Variants in CMC2 observed in about 807,000 individuals in gnomAD.
CMC2 encodes C-X9-C motif containing 2.
In CMC2, 5 loss-of-function variants were observed where a neutral mutation model predicts 7.5. The observed-to-expected ratio is 0.66, with a 90% CI of 0.35 to 1.40. The LOEUF is 1.40. CMC2 is among the 40% of genes most tolerant of loss of function. The pLI, the probability that CMC2 is intolerant of heterozygous loss-of-function variation, is 0.04. For missense variants in CMC2, 115 were observed against 92.3 expected, an observed-to-expected ratio of 1.25 and a Z score of -1.01; for synonymous variants, 37 against 31.4, an observed-to-expected ratio of 1.18 and a Z score of -0.60.
chr16:80,988,152 C>G (rs112093919), intron 2 of CMC2, among the ~76,000 whole-genome samples: 9,318 of 152,178 alleles, frequency 0.061, 394 homozygotes, highest in Non-Finnish European at 0.091. Flanking sequence ...CCACCGCACT[C>G]GAGCCTGGGT....
chr16:80,984,441 G>C (rs190731546), intron 2 of CMC2, among the ~76,000 whole-genome samples: 92 of 152,056 alleles, frequency 6.1e-4, no homozygotes, highest in African/African-American at 2.2e-3. Flanking sequence ...CATTTTAAAC[G>C]TACGTTTCAA....
chr16:81,001,541 G>A (rs376003628), intron 1 of CMC2, among the ~76,000 whole-genome samples: 6 of 152,058 alleles, frequency 3.9e-5, no homozygotes, highest in African/African-American at 9.7e-5. Flanking sequence ...GGAGATGGAC[G>A]GTGGTGATGG....
chr16:80,974,884 C>T lies in CMC2; in HGVS notation c.*1209G>A, dbSNP rs1034798485. On this transcript the variant is annotated 3_prime_UTR_variant, in exon 4 of 4. Transcript: ENST00000219400. ...CTGAATGTCTGTTATGCTCTGTAATCGACGTACTGAGCGAAAGTCCAGCTT... is the reference window on the plus strand; with the variant it reads ...CTGAATGTCTGTTATGCTCTGTAATTGACGTACTGAGCGAAAGTCCAGCTT... The T allele has an allele frequency of 6.6e-6, 1 of 152,234 alleles. No homozygotes were observed. The highest frequency in any genetic ancestry group is 1.5e-5 in the Non-Finnish European group (1 of 68,056). The allele number at this position is 152,234 out of a possible 1,614,324, so 9.4% of individuals were successfully genotyped here.
chr16:80,969,244 G>A lies in CMC2; in HGVS notation c.*6849C>T, dbSNP rs1387804337. 1.3e-5 allele frequency: 2 copies of A among 152,270 alleles called. No individual in the cohort carries two copies. Among genetic ancestry groups the A allele is most frequent in the African/African-American group, 4.8e-5 (2 of 41,442 alleles). The allele number at this position is 152,270 out of a possible 1,614,324, so 9.4% of individuals were successfully genotyped here. A position where few individuals can be genotyped will look rare whatever the true frequency, so the allele number is the denominator to read the frequency against. ...ATCCCAAAATACAAATGAGTGAGGT[G>A]AGGACAGAGCATCAAGAGCCAGAGG... On this transcript the variant is annotated 3_prime_UTR_variant, in exon 4 of 4. Transcript: ENST00000219400.
chr16:80,981,845 A>G lies in CMC2; in HGVS notation c.114T>C (p.Asn38=). The stretch of plus-strand genomic sequence containing the variant: ...ATTTTCTCAACTCCCGATCAACATC[A>G]TTACAATAACCAAAAAATTTCAGAA... ...HNILKFFGYC[N]DVDRELRKCL... is the part of the protein sequence containing the mutation. The change falls in exon 3 of 4, where the codon AAT becomes AAC. Residue 38 remains asparagine (N), a synonymous_variant. Transcript: ENST00000219400. 1 of 1,611,288 alleles carries G rather than the reference A, an allele frequency of 6.2e-7. No individual in the cohort carries two copies. The highest frequency in any genetic ancestry group is 8.5e-7 in the Non-Finnish European group (1 of 1,178,356).
In CMC2 at chr16:80,967,685, A is replaced by G. The variant is rs972828444; in HGVS notation, c.*8408T>C. 6.6e-6 allele frequency: 1 copy of G among 152,224 alleles called. No homozygotes were observed. The highest frequency in any genetic ancestry group is 1.5e-5 in the Non-Finnish European group (1 of 68,024). 9.4% of individuals were successfully genotyped at this position (152,224 alleles called of 1,614,324 possible). A position where few individuals can be genotyped will look rare whatever the true frequency, so the allele number is the denominator to read the frequency against. ...TGTAGCAAGTCCAATCATTAGCTCA[A>G]TAATCCAATCATAGCATTTTAGGAA... On this transcript the variant is annotated 3_prime_UTR_variant, in exon 4 of 4. Transcript: ENST00000219400.
At chr16:81,001,636 C>T (rs1187584552) in intron 1 of CMC2, among the ~76,000 whole-genome samples, 1 of 152,106 alleles carries the variant, frequency 6.6e-6, no homozygotes, top group Non-Finnish European at 1.5e-5. Context: ...ACGTGCATTT[C>T]ACCATGCGAA....
In CMC2 at chr16:80,997,443, A is replaced by T. The variant is rs746474224; in HGVS notation, c.-35-14T>A. On this transcript the variant is annotated splice_polypyrimidine_tract_variant and intron_variant, in intron 1 of 3. Coordinates refer to ENST00000219400, the MANE Select transcript of CMC2 (RefSeq NM_020188.5). ...CAGCAGTGCAACCTGTGGATACAAG[A>T]GTGTCTTGAATATGCATAAACACAT... The T allele has an allele frequency of 7.3e-7, 1 of 1,370,844 alleles. No homozygotes were observed. The highest frequency in any genetic ancestry group is 1.2e-5 in the South Asian group (1 of 85,882). The allele number at this position is 1,370,844 out of a possible 1,614,324, so 84.9% of individuals were successfully genotyped here. A position where few individuals can be genotyped will look rare whatever the true frequency, so the allele number is the denominator to read the frequency against.
intron 2 of CMC2, chr16:80,991,692 C>A: frequency 4.5e-6 from 1 of 222,710 alleles, no homozygotes; most frequent in Non-Finnish European, 9.1e-6. Flanking sequence ...AGGTGATCAA[C>A]GTCAACATTA....
intron 3 of CMC2, among the ~76,000 whole-genome samples, chr16:80,979,281 A>G (rs1340928068): frequency 6.6e-6 from 1 of 152,180 alleles, no homozygotes; most frequent in Non-Finnish European, 1.5e-5. Context: ...TAGAGAATAA[A>G]GTAACATAAC....
Position 80,967,360 on chromosome 16 carries a change from A to G in CMC2, c.*8733T>C. The G allele has an allele frequency of 6.5e-6, 1 of 153,902 alleles. No homozygotes were observed. The highest frequency in any genetic ancestry group is 1.4e-5 in the Non-Finnish European group (1 of 69,398). 9.5% of individuals were successfully genotyped at this position (153,902 alleles called of 1,614,324 possible). A position where few individuals can be genotyped will look rare whatever the true frequency, so the allele number is the denominator to read the frequency against. On this transcript the variant is annotated 3_prime_UTR_variant, in exon 4 of 4. Coordinates refer to ENST00000219400, the MANE Select transcript of CMC2 (RefSeq NM_020188.5). ...TTGTTTTGTTTTGTTTTGTTTTTTG[A>G]GACGGAGCTCGCCGTGTCGCCCAGG...
chr16:80,970,825 T>A lies in CMC2; in HGVS notation c.*5268A>T, dbSNP rs12924248. The A allele has an allele frequency of 7.9e-5, 12 of 152,094 alleles. No homozygotes were observed. Among genetic ancestry groups the A allele is most frequent in the African/African-American group, 2.9e-4 (12 of 41,394 alleles). 9.4% of individuals were successfully genotyped at this position (152,094 alleles called of 1,614,324 possible). ...TGCAGGGGCTCATGCCTATAATCCCTGCTTTATAAAAAAATTTTAAGAGAT... is the reference window on the plus strand; with the variant it reads ...TGCAGGGGCTCATGCCTATAATCCCAGCTTTATAAAAAAATTTTAAGAGAT... On this transcript the variant is annotated 3_prime_UTR_variant, in exon 4 of 4. Coordinates refer to ENST00000219400, the MANE Select transcript of CMC2 (RefSeq NM_020188.5).
intron 2 of CMC2, among the ~76,000 whole-genome samples, chr16:80,989,198 C>A (rs1298914962): frequency 6.6e-6 from 1 of 152,220 alleles, no homozygotes; most frequent in African/African-American, 2.4e-5. Context: ...TCAAACTTTT[C>A]ACCCACTAGT....
chr16:80,990,718 T>C (rs1314890521), intron 2 of CMC2, among the ~76,000 whole-genome samples: 1 of 151,736 alleles, frequency 6.6e-6, no homozygotes, highest in Non-Finnish European at 1.5e-5. Context: ...TTCAAAGAAA[T>C]TTTTTTTTCT....
intron 3 of CMC2, among the ~76,000 whole-genome samples, chr16:80,979,891 G>C (rs908760172): frequency 5.9e-5 from 9 of 151,924 alleles, no homozygotes; most frequent in African/African-American, 2.2e-4. Flanking sequence ...CAGAATGCTG[G>C]GATTATAGGC....
At position 80,972,360 on chromosome 16, in the gene CMC2, T is replaced by A. The variant is rs1358381238; in HGVS notation, c.*3733A>T. 1 of 151,764 alleles carries A rather than the reference T, an allele frequency of 6.6e-6. No homozygotes were observed. The allele number at this position is 151,764 out of a possible 1,614,324, so 9.4% of individuals were successfully genotyped here. A position where few individuals can be genotyped will look rare whatever the true frequency, so the allele number is the denominator to read the frequency against. Reference sequence around the variant, plus strand: ...ACTCCCTTGGGACAGTGAGGATTTTTTGTTTTTCGTTTTTTTTGTTTTTTT... The same window carrying A: ...ACTCCCTTGGGACAGTGAGGATTTTATGTTTTTCGTTTTTTTTGTTTTTTT... On this transcript the variant is annotated 3_prime_UTR_variant, in exon 4 of 4. Transcript: ENST00000219400.
intron 1 of CMC2, among the ~76,000 whole-genome samples, chr16:81,004,048 C>T (rs539459481): frequency 1.3e-5 from 2 of 152,274 alleles, no homozygotes; most frequent in South Asian, 2.1e-4. Flanking sequence ...CATGGTGAAA[C>T]CCAGTCTCTA....
At chr16:80,980,943 G>C (rs890822270) in intron 3 of CMC2, 1 of 611,644 alleles carries the variant, frequency 1.6e-6, no homozygotes, top group South Asian at 1.9e-5. Context: ...ACTCCAAAAA[G>C]TTCTTCAAAC....
rs12924593 is a variant in CMC2, at chr16:80,971,053, T to A, written c.*5040A>T. The stretch of plus-strand genomic sequence containing the variant: ...AGGAGGCTAAGGCACGAGAATTGCT[T>A]GAAGCCAGGAGGTGGAAGTTGCAGC... On this transcript the variant is annotated 3_prime_UTR_variant, in exon 4 of 4. Transcript: ENST00000219400. 1.3e-5 allele frequency: 2 copies of A among 152,032 alleles called. No homozygotes were observed. The highest frequency in any genetic ancestry group is 2.9e-5 in the Non-Finnish European group (2 of 68,052). 9.4% of individuals were successfully genotyped at this position (152,032 alleles called of 1,614,324 possible).
Sources: gnomAD v4.1 joint callset for allele counts (sites outside exome capture counted in the v4.1 genomes callset) on GRCh38, gnomAD v4.1.1 for gene constraint, MANE v1.5 for transcripts, NCBI Gene and HGNC (gene_info 2026-07-23, HGNC 2026-07-21) for gene names.